Variants in CHAF1A observed in about 807,000 individuals in gnomAD.
CHAF1A encodes chromatin assembly factor 1 subunit A, also known as CAF-1 subunit A.
A neutral mutation model predicts 93.2 loss-of-function variants in CHAF1A; 5 were observed. That is an observed-to-expected ratio of 0.05 (90% CI 0.03 to 0.11). The LOEUF (loss-of-function observed/expected upper bound fraction) is 0.11. CHAF1A is among the 10% of genes least tolerant of loss of function. The probability of loss-of-function intolerance (pLI) is 1.00; values close to 1 mark genes in which losing one functional copy is unlikely to be tolerated. For synonymous variants in CHAF1A, 504 were observed against 510.3 expected, an observed-to-expected ratio of 0.99 and a Z score of 0.17; for missense variants, 1,102 against 1,259.9, an observed-to-expected ratio of 0.87 and a Z score of 1.90.
At chr19:4,405,748 G>T (rs111400575) in intron 1 of CHAF1A, among the ~76,000 whole-genome samples, 164 bp from the exon 2 acceptor site, 1 of 151,604 alleles carries the variant, frequency 6.6e-6, no homozygotes, top group East Asian at 2.0e-4. Flanking sequence ...AGCCCTCCCT[G>T]CATCATGACA....
intron 13 of CHAF1A, among the ~76,000 whole-genome samples, chr19:4,438,259 A>G (rs1568183204): frequency 6.6e-6 from 1 of 152,004 alleles, no homozygotes; most frequent in Non-Finnish European, 1.5e-5. Flanking sequence ...ATGTTCTTAT[A>G]AGTGAGAGCA....
intron 2 of CHAF1A, among the ~76,000 whole-genome samples, chr19:4,408,491 TGAGA>T (rs1973727207): frequency 9.0e-6 from 1 of 111,408 alleles, no homozygotes; most frequent in Non-Finnish European, 1.9e-5. Context: ...TTTTTTTTTT[TGAGA>T]GGGAGTCTGT....
chr19:4,411,120 A>G (rs1973789589), intron 3 of CHAF1A, among the ~76,000 whole-genome samples: 1 of 152,198 alleles, frequency 6.6e-6, no homozygotes, highest in African/African-American at 2.4e-5. Context: ...TGAGAGTAGT[A>G]GATCCTGAGA....
chr19:4,447,913 G>C (rs922669032), downstream of CHAF1A: 5 of 510,272 alleles, frequency 9.8e-6, no homozygotes, highest in African/African-American at 5.8e-5. Context: ...CACAGTGCCG[G>C]AAGAGTGGAG....
intron 13 of CHAF1A, among the ~76,000 whole-genome samples, chr19:4,436,079 C>T (rs1974278126): frequency 6.6e-6 from 1 of 151,798 alleles, no homozygotes. Flanking sequence ...GTGGAGGTTG[C>T]AGTGAGCCGA....
At chr19:4,411,642 A>ATTTTTTTTTTTTTT (rs1202069647) in intron 3 of CHAF1A, among the ~76,000 whole-genome samples, 11 of 38,060 alleles carry the variant, frequency 2.9e-4, no homozygotes, top group African/African-American at 5.6e-4. Context: ...AATGGTGCAA[A>ATTTTTTTTTTTTTT]TCTTTTTTTT....
At chr19:4,445,772 C>T (rs1002926427), downstream of CHAF1A, 14 of 1,330,778 alleles carry the variant, frequency 1.1e-5, no homozygotes, top group African/African-American at 1.9e-4. Context: ...GCCTCCTGCC[C>T]TCTCCCTCCG....
chr19:4,405,790 C>A, intron 1 of CHAF1A, 122 bp from the exon 2 acceptor site: 2 of 778,250 alleles, frequency 2.6e-6, no homozygotes, highest in Non-Finnish European at 4.5e-6. Context: ...TGTCAAATGG[C>A]CCCCGAGGAC....
At chr19:4,404,132 CT>C (rs973769092) in intron 1 of CHAF1A, among the ~76,000 whole-genome samples, 17 of 151,540 alleles carry the variant, frequency 1.1e-4, no homozygotes, top group Admixed American at 9.2e-4. Flanking sequence ...GGATATTTAA[CT>C]TTAAAAAAAA....
At chr19:4,405,866 T>A (rs1197749411) in intron 1 of CHAF1A, 46 bp from the exon 2 acceptor site, 1 of 1,564,176 alleles carries the variant, frequency 6.4e-7, no homozygotes, top group Admixed American at 1.7e-5. Context: ...CTAACTTGAT[T>A]ATTTGCAGAA....
At chr19:4,417,988 C>T (rs919189628) in intron 3 of CHAF1A, 32 bp from the exon 4 acceptor site, 20 of 1,494,064 alleles carry the variant, frequency 1.3e-5, no homozygotes, top group African/African-American at 8.4e-5. Context: ...TGAAATAACC[C>T]GTGTTTAAAG....
At chr19:4,446,662 A>G, downstream of CHAF1A, 1 of 1,612,218 alleles carries the variant, frequency 6.2e-7, no homozygotes, top group Non-Finnish European at 8.5e-7. Flanking sequence ...GTGCCTCTCC[A>G]GGCTCTGGGG....
At chr19:4,413,886 T>C (rs567263995) in intron 3 of CHAF1A, among the ~76,000 whole-genome samples, 1 of 152,330 alleles carries the variant, frequency 6.6e-6, no homozygotes, top group Admixed American at 6.5e-5. Context: ...TGTTCCTTTT[T>C]AGTATTAGAG....
At chr19:4,417,647 G>A (rs111981140) in intron 3 of CHAF1A, among the ~76,000 whole-genome samples, 1,992 of 152,154 alleles carry the variant, frequency 0.013, 23 homozygotes, top group Middle Eastern at 0.024. Flanking sequence ...TTTTAGTAGA[G>A]ATGGGGTTTT....
chr19:4,432,237 C>T lies in CHAF1A; in HGVS notation c.2203+30C>T, dbSNP rs200351798. ...GTGTGGGCGGGGCCAGGCCACCCAC[C>T]TGTTCCTGGGCCCAGCTAATTCCAG... On this transcript the variant is annotated intron_variant, in intron 12 of 14. Coordinates refer to ENST00000301280, the MANE Select transcript of CHAF1A (RefSeq NM_005483.3). The T allele has an allele frequency of 1.1e-3, 1,659 of 1,570,294 alleles. 6 individuals are homozygous for T. Among genetic ancestry groups the T allele is most frequent in the South Asian group, 2.6e-3 (228 of 87,542 alleles).
downstream of CHAF1A, chr19:4,446,894 G>A (rs1974543534): frequency 1.2e-6 from 2 of 1,613,876 alleles, no homozygotes; most frequent in African/African-American, 2.7e-5. Flanking sequence ...AAAACTCGTG[G>A]GTCCCTTCCA....
intron 14 of CHAF1A, among the ~76,000 whole-genome samples, chr19:4,442,615 C>T (rs1457489208): frequency 1.3e-5 from 2 of 152,238 alleles, no homozygotes; most frequent in Non-Finnish European, 2.9e-5. Flanking sequence ...GAAGGCTGCA[C>T]TGAGGCAGCA....
downstream of CHAF1A, chr19:4,443,432 TTC>T: frequency 4.9e-6 from 1 of 203,196 alleles, no homozygotes; most frequent in Non-Finnish European, 1.0e-5. Flanking sequence ...AACATTGTGT[TTC>T]TCTGAGAGTG....
intron 3 of CHAF1A, among the ~76,000 whole-genome samples, chr19:4,413,709 T>C (rs1210666245): frequency 6.6e-6 from 1 of 152,250 alleles, no homozygotes; most frequent in Non-Finnish European, 1.5e-5. Flanking sequence ...TTTGTTCCGA[T>C]ACAGGTCCTG....
Sources: gnomAD v4.1 joint callset for allele counts (sites outside exome capture counted in the v4.1 genomes callset) on GRCh38, gnomAD v4.1.1 for gene constraint, MANE v1.5 for transcripts, NCBI Gene and HGNC (gene_info 2026-07-23, HGNC 2026-07-21) for gene names.